MID1: variants seen among roughly 807,000 people sequenced by gnomAD.
The protein encoded by MID1 is midline 1, also known as E3 ubiquitin-protein ligase Midline-1.
Under a neutral mutation model 40.4 loss-of-function variants are expected in MID1, and 7 were observed. The ratio of observed to expected loss-of-function variants is 0.17; its 90% CI spans 0.10 to 0.33. The LOEUF (loss-of-function observed/expected upper bound fraction) is 0.33, where lower values mean the gene tolerates loss of function less well. Ranked by LOEUF, MID1 falls within the 10% of genes least tolerant of loss-of-function variation. MID1 has a pLI of 1.00. For synonymous variants in MID1, 229 were observed against 221.2 expected (o/e 1.04, Z -0.31); for missense variants, 367 against 558.5 (o/e 0.66, Z 3.46).
intron 1 of MID1, among the ~76,000 whole-genome samples, chrX:10,772,462 T>C (rs975426490): frequency 9.1e-6 from 1 of 109,967 alleles, no homozygotes; most frequent in Non-Finnish European, 1.9e-5. Context: ...GGGTGCAGGG[T>C]ATACTGCTTG....
chrX:10,607,174 G>A (rs1410357363), intron 1 of MID1, among the ~76,000 whole-genome samples: 1 of 112,188 alleles, frequency 8.9e-6, no homozygotes, highest in Non-Finnish European at 1.9e-5. Flanking sequence ...GAACAGGTGG[G>A]CACCAAAACC....
intron 4 of MID1, among the ~76,000 whole-genome samples, chrX:10,488,261 G>A (rs902508767): frequency 4.5e-5 from 5 of 111,273 alleles, no homozygotes; most frequent in Non-Finnish European, 9.4e-5. Flanking sequence ...TGGGATTACA[G>A]GTGTGAGCCA....
intron 1 of MID1, among the ~76,000 whole-genome samples, chrX:10,696,869 G>A (rs192364200): frequency 1.2e-4 from 13 of 111,868 alleles, no homozygotes; most frequent in African/African-American, 4.2e-4. Context: ...AAGTGGTCAC[G>A]ATCAACAATT....
chrX:10,589,319 G>C (rs1935220636), intron 1 of MID1, among the ~76,000 whole-genome samples: 1 of 110,063 alleles, frequency 9.1e-6, no homozygotes, highest in African/African-American at 3.3e-5. Context: ...TACTCAAATG[G>C]AGTAGGCAAG....
At chrX:10,465,187 T>TTA (rs1170214071) in intron 7 of MID1, among the ~76,000 whole-genome samples, 745 of 47,865 alleles carry the variant, frequency 0.016, 19 homozygotes, top group Middle Eastern at 0.065. Flanking sequence ...GTCTGAAATT[T>TTA]TATATATATA....
intron 2 of MID1, among the ~76,000 whole-genome samples, chrX:10,546,059 T>C (rs1782181126): frequency 8.9e-6 from 1 of 111,735 alleles, no homozygotes; most frequent in African/African-American, 3.3e-5. Context: ...GGATTTCCTA[T>C]GGTAGTTTAA....
chrX:10,580,657 T>TA (rs1046498015), intron 1 of MID1, among the ~76,000 whole-genome samples: 4 of 111,417 alleles, frequency 3.6e-5, no homozygotes, highest in African/African-American at 6.5e-5. Context: ...TTCAAAAAAG[T>TA]AAAAAAATAT....
At chrX:10,751,264 CA>C (rs56817903) in intron 1 of MID1, among the ~76,000 whole-genome samples, 10,402 of 98,800 alleles carry the variant, frequency 0.11, 1,339 homozygotes, top group African/African-American at 0.36. Flanking sequence ...GACTCCATCT[CA>C]AAAAAAAAAG....
At chrX:10,802,179 T>G (rs1180190940) in intron 1 of MID1, among the ~76,000 whole-genome samples, 3 of 110,580 alleles carry the variant, frequency 2.7e-5, no homozygotes, top group African/African-American at 9.9e-5. Context: ...AGACTCCATC[T>G]CAAAAAATAA....
intron 1 of MID1, among the ~76,000 whole-genome samples, chrX:10,639,362 T>C (rs1468504753): frequency 8.9e-6 from 1 of 111,884 alleles, no homozygotes; most frequent in African/African-American, 3.3e-5. Flanking sequence ...AACTACGTGA[T>C]GCACGCACAA....
At chrX:10,492,748 C>T (rs767734085) in intron 4 of MID1, among the ~76,000 whole-genome samples, 3 of 112,496 alleles carry the variant, frequency 2.7e-5, no homozygotes, top group South Asian at 3.7e-4. Flanking sequence ...GTATCCTCAG[C>T]CACAGTCATG....
At chrX:10,504,512 A>T (rs1361956748) in intron 3 of MID1, among the ~76,000 whole-genome samples, 1 of 112,187 alleles carries the variant, frequency 8.9e-6, no homozygotes, top group East Asian at 2.8e-4. Flanking sequence ...AATTAAAACT[A>T]GAGGTTCTAG....
Position 10,465,214 on chromosome X carries a change from T to TATACACACAC in MID1, c.1285+4482_1285+4483insGTGTGTGTAT, listed in dbSNP as rs1477864693. Reference sequence around the variant, plus strand: ...ATATATATATATATATATATATATATACACACACACACACACACACACACA... The same window carrying TATACACACAC: ...ATATATATATATATATATATATATATATACACACACACACACACACACACACACACACACA... On this transcript the variant is annotated intron_variant, in intron 7 of 9. Coordinates refer to ENST00000317552, the MANE Select transcript of MID1 (RefSeq NM_000381.4). Among the ~76,000 whole-genome samples the TATACACACAC allele has an allele frequency of 6.8e-4, 27 of 39,896 alleles. 1 individual carries two copies. The highest frequency in any genetic ancestry group is 2.5e-3 in the African/African-American group (18 of 7,060). The allele number at this position is 39,896 out of a possible 115,157, so 34.6% of individuals were successfully genotyped here.
chrX:10,775,877 G>T (rs2043799467), intron 1 of MID1, among the ~76,000 whole-genome samples: 1 of 111,493 alleles, frequency 9.0e-6, no homozygotes, highest in Admixed American at 9.6e-5. Flanking sequence ...TAAACCTCAG[G>T]TTCCTACACA....
At chrX:10,523,440 ATAAT>A (rs1199409417) in intron 2 of MID1, among the ~76,000 whole-genome samples, 1 of 111,955 alleles carries the variant, frequency 8.9e-6, no homozygotes, top group East Asian at 2.8e-4. Flanking sequence ...ACTTAACAGA[ATAAT>A]TAGTTATAGG....
In MID1 at chrX:10,561,855, C is replaced by G. The variant is rs922955810; in HGVS notation, c.660+5033G>C. ...GAACCAGAAATACCATTTGATCCAG[C>G]AATCCCATTACCGGGTAGATACCCA... is the stretch of plus-strand genomic sequence containing the variant. On this transcript the variant is annotated intron_variant, in intron 2 of 9. Transcript: ENST00000317552. 5.6e-5 allele frequency among the ~76,000 whole-genome samples: 6 copies of G among 107,241 alleles called. 1 individual carries two copies. Among genetic ancestry groups the G allele is most frequent in the African/African-American group, 1.9e-4 (5 of 26,800 alleles). The allele number at this position is 107,241 out of a possible 115,157, so 93.1% of individuals were successfully genotyped here.
rs1928096956 is a variant in MID1 at position 10,447,629 on chromosome X, A to G, written c.*1739T>C. 1.8e-5 allele frequency: 2 copies of G among 111,802 alleles called. No individual in the cohort carries two copies. The highest frequency in any genetic ancestry group is 7.5e-4 in the South Asian group (2 of 2,672). 9.2% of individuals were successfully genotyped at this position (111,802 alleles called of 1,213,427 possible). A position where few individuals can be genotyped will look rare whatever the true frequency, so the allele number is the denominator to read the frequency against. On this transcript the variant is annotated 3_prime_UTR_variant, in exon 10 of 10. Coordinates refer to ENST00000317552, the MANE Select transcript of MID1 (RefSeq NM_000381.4). ...GTGAAATTGTCTTAGGTATCTATCA[A>G]AATATTCATCTGGGTATAAATAATA...
intron 1 of MID1, among the ~76,000 whole-genome samples, chrX:10,696,756 A>G (rs1569149155): frequency 8.9e-6 from 1 of 112,442 alleles, no homozygotes; most frequent in Non-Finnish European, 1.9e-5. Flanking sequence ...GGCTGGCATT[A>G]TATTTCTATT....
chrX:10,522,474 G>C (rs1486645436), intron 3 of MID1, among the ~76,000 whole-genome samples: 1 of 112,326 alleles, frequency 8.9e-6, no homozygotes, highest in Non-Finnish European at 1.9e-5. Flanking sequence ...GTGGTAATTT[G>C]TTATGGTAGC....
Sources: gnomAD v4.1 joint callset for allele counts (sites outside exome capture counted in the v4.1 genomes callset) on GRCh38, gnomAD v4.1.1 for gene constraint, MANE v1.5 for transcripts, NCBI Gene and HGNC (gene_info 2026-07-23, HGNC 2026-07-21) for gene names.